TRDN: variants seen among roughly 807,000 people sequenced by gnomAD.
TRDN encodes triadin, also known as triadin in skeletal muscle.
TRDN carries 161 observed loss-of-function variants against 149.7 expected under a neutral mutation model. The ratio of observed to expected loss-of-function variants is 1.08; its 90% CI spans 0.95 to 1.23. The LOEUF is 1.23. Ranked by LOEUF, TRDN falls within the 50% of genes most tolerant of loss-of-function variation. The probability of loss-of-function intolerance (pLI) is 0.00; values close to 1 mark genes in which losing one functional copy is unlikely to be tolerated. For synonymous variants in TRDN, 294 were observed against 250.5 expected, an observed-to-expected ratio of 1.17 and a Z score of -1.64; for missense variants, 896 against 823.5, an observed-to-expected ratio of 1.09 and a Z score of -1.08.
At chr6:123,233,079 C>T (rs1301818504) in intron 38 of TRDN, among the ~76,000 whole-genome samples, 1 of 152,062 alleles carries the variant, frequency 6.6e-6, no homozygotes, top group East Asian at 1.9e-4. Context: ...AAATTCGCTG[C>T]CTCTCTCTGT....
chr6:123,622,023 A>C (rs149930333), intron 1 of TRDN, among the ~76,000 whole-genome samples: 1 of 152,186 alleles, frequency 6.6e-6, no homozygotes, highest in African/African-American at 2.4e-5. Context: ...CTTACGTGAG[A>C]ATCTTTTTAA....
chr6:123,221,323 C>T (rs898888013), intron 40 of TRDN, among the ~76,000 whole-genome samples, 164 bp downstream of exon 40: 1 of 151,734 alleles, frequency 6.6e-6, no homozygotes, highest in African/African-American at 2.4e-5. Flanking sequence ...AAGTGATACG[C>T]TTCTTTTTAA....
rs1029838035 is a variant in TRDN at position 123,559,533 on chromosome 6, C to A, written c.233-10921G>T. 1.5e-4 allele frequency among the ~76,000 whole-genome samples: 23 copies of A among 152,060 alleles called. 2 individuals carry two copies. The highest frequency in any genetic ancestry group is 6.2e-4 in the South Asian group (3 of 4,816). Reference sequence around the variant, plus strand: ...CCACTTAACCCACAAGAATAAGATACCTCTACTCCCTCCTTGGCAACCGAT... The same window carrying A: ...CCACTTAACCCACAAGAATAAGATAACTCTACTCCCTCCTTGGCAACCGAT... On this transcript the variant is annotated intron_variant, in intron 2 of 40. Transcript: ENST00000334268.
At chr6:123,425,463 A>C (rs1774083264) in intron 12 of TRDN, among the ~76,000 whole-genome samples, 1 of 152,050 alleles carries the variant, frequency 6.6e-6, no homozygotes, top group South Asian at 2.1e-4. Context: ...ATGGTTTTAA[A>C]TTTATGAAAC....
intron 1 of TRDN, among the ~76,000 whole-genome samples, chr6:123,622,815 T>A (rs1668755198): frequency 6.6e-6 from 1 of 152,124 alleles, no homozygotes; most frequent in African/African-American, 2.4e-5. Context: ...GTCATCATGA[T>A]AGTATTGCAA....
chr6:123,255,912 A>C lies in TRDN; in HGVS notation c.1871-10T>G. On this transcript the variant is annotated splice_polypyrimidine_tract_variant and intron_variant, in intron 35 of 40. Coordinates refer to ENST00000334268, the MANE Select transcript of TRDN (RefSeq NM_006073.4). The stretch of plus-strand genomic sequence containing the variant: ...TTCATGTCTGCTTTTTCTGTATAGA[A>C]GAAACAGTAACAGGGTAATTTATTT... The C allele has an allele frequency of 7.8e-7, 1 of 1,278,946 alleles. No homozygotes were observed. The highest frequency in any genetic ancestry group is 1.0e-6 in the Non-Finnish European group (1 of 990,334). The allele number at this position is 1,278,946 out of a possible 1,614,324, so 79.2% of individuals were successfully genotyped here.
chr6:123,337,699 T>C, intron 21 of TRDN, 30 bp from the exon 22 acceptor site: 1 of 1,364,258 alleles, frequency 7.3e-7, no homozygotes, highest in Middle Eastern at 1.8e-4. Context: ...AAGAAAAAGT[T>C]ACAAGGAATA....
chr6:123,299,782 T>C (rs1051034598), intron 24 of TRDN, among the ~76,000 whole-genome samples: 2 of 151,982 alleles, frequency 1.3e-5, no homozygotes, highest in East Asian at 1.9e-4. Context: ...AGTTAATACA[T>C]TGAGCATTAA....
chr6:123,241,806 A>G lies in TRDN; in HGVS notation c.1975+10606T>C, dbSNP rs76046442. Among the ~76,000 whole-genome samples, 1,262 of 152,166 alleles carry G rather than the reference A, an allele frequency of 8.3e-3. 4 individuals are homozygous for G. Among genetic ancestry groups the G allele is most frequent in the Non-Finnish European group, 0.012 (805 of 67,996 alleles). ...TCTCAAAGTTTATAATGATCTCACA[A>G]CTTGGTGCATTCAGGTAATTTTGAT... On this transcript the variant is annotated intron_variant, in intron 38 of 40. Transcript: ENST00000334268.
intron 12 of TRDN, among the ~76,000 whole-genome samples, chr6:123,397,170 A>G (rs1368312948): frequency 6.6e-6 from 1 of 152,210 alleles, no homozygotes; most frequent in Non-Finnish European, 1.5e-5. Flanking sequence ...TAAGTCTCTT[A>G]CTTATAGTAA....
intron 24 of TRDN, among the ~76,000 whole-genome samples, chr6:123,283,276 A>C (rs1368130272): frequency 6.6e-6 from 1 of 151,970 alleles, no homozygotes; most frequent in African/African-American, 2.4e-5. Context: ...CAATGATAAT[A>C]GTGAAACAAG....
chr6:123,281,789 C>T (rs1034280520), intron 24 of TRDN, among the ~76,000 whole-genome samples: 4 of 151,946 alleles, frequency 2.6e-5, no homozygotes, highest in Admixed American at 1.3e-4. Flanking sequence ...ATTTGGTTTC[C>T]GAGTTAGTTG....
At chr6:123,493,488 C>T (rs17739564) in intron 9 of TRDN, among the ~76,000 whole-genome samples, 15,117 of 152,104 alleles carry the variant, frequency 0.099, 1,040 homozygotes, top group South Asian at 0.21. Context: ...AAACTTGGGA[C>T]TTATGTCATA....
intron 9 of TRDN, 86 bp downstream of exon 9, chr6:123,497,107 G>T: frequency 9.5e-7 from 1 of 1,051,484 alleles, no homozygotes; most frequent in Non-Finnish European, 1.3e-6. Context: ...TTTAAAAAAT[G>T]AAAATACAGT....
At chr6:123,558,058 G>A (rs575808734) in intron 2 of TRDN, among the ~76,000 whole-genome samples, 2 of 152,112 alleles carry the variant, frequency 1.3e-5, no homozygotes, top group South Asian at 2.1e-4. Context: ...CACCCTACAA[G>A]ACCTAAAAAA....
At chr6:123,436,998 A>G (rs1215733838) in intron 12 of TRDN, among the ~76,000 whole-genome samples, 3 of 152,198 alleles carry the variant, frequency 2.0e-5, no homozygotes, top group African/African-American at 7.2e-5. Flanking sequence ...TCACCAAACC[A>G]TAATACTTGA....
intron 10 of TRDN, among the ~76,000 whole-genome samples, chr6:123,441,781 C>CAAATGCA (rs925839899): frequency 3.9e-5 from 6 of 152,122 alleles, no homozygotes; most frequent in Admixed American, 1.3e-4. Context: ...CACGAGGAAA[C>CAAATGCA]AAATGCAAAA....
At chr6:123,243,657 TATCAAGTAAAAGAAA>T (rs1392013159) in intron 38 of TRDN, among the ~76,000 whole-genome samples, 2 of 152,152 alleles carry the variant, frequency 1.3e-5, no homozygotes, top group African/African-American at 2.4e-5. Context: ...TGGAAACCTT[TATCAAGTAAAAGAAA>T]ATCAAGTAAA....
At chr6:123,616,350 A>G (rs963145870) in intron 1 of TRDN, among the ~76,000 whole-genome samples, 9 of 151,998 alleles carry the variant, frequency 5.9e-5, no homozygotes, top group African/African-American at 2.2e-4. Context: ...AATTATATCC[A>G]TAATATACGT....
Sources: gnomAD v4.1 joint callset for allele counts (sites outside exome capture counted in the v4.1 genomes callset) on GRCh38, gnomAD v4.1.1 for gene constraint, MANE v1.5 for transcripts, NCBI Gene and HGNC (gene_info 2026-07-23, HGNC 2026-07-21) for gene names.